The following SLC24A4 variants were observed in gnomAD, a reference collection of about 807,000 sequenced individuals.
SLC24A4 encodes solute carrier family 24 member 4.
In SLC24A4, 53 loss-of-function variants were observed where a neutral mutation model predicts 79.0. The ratio of observed to expected loss-of-function variants is 0.67; its 90% confidence interval spans 0.54 to 0.84. SLC24A4 has a LOEUF of 0.84. Among genes scored for constraint, SLC24A4 ranks in the 40% least tolerant of loss-of-function variants. SLC24A4 has a pLI of 0.00. For missense variants in SLC24A4, 731 were observed against 822.0 expected (o/e 0.89, Z 1.35); for synonymous variants, 323 against 323.8 (o/e 1.00, Z 0.03).
chr14:92,442,856 G>T (rs1892581677), intron 6 of SLC24A4, 40 bp downstream of exon 6: 1 of 1,502,422 alleles, frequency 6.7e-7, no homozygotes, highest in Non-Finnish European at 9.3e-7. Context: ...TGCATGCCCT[G>T]AAGCGTGGGG....
At position 92,498,916 on chromosome 14, in the gene SLC24A4, G is replaced by A. The variant is rs1318736368; in HGVS notation, c.*5288G>A. 2 of 152,274 alleles carry A rather than the reference G, an allele frequency of 1.3e-5. No homozygotes were observed. The highest frequency in any genetic ancestry group is 2.9e-5 in the Non-Finnish European group (2 of 68,064). 9.4% of individuals were successfully genotyped at this position (152,274 alleles called of 1,614,324 possible). A position where few individuals can be genotyped will look rare whatever the true frequency, so the allele number is the denominator to read the frequency against. On this transcript the variant is annotated 3_prime_UTR_variant, in exon 17 of 17. Transcript: ENST00000532405. ...TAGCTAATGGGAGGATGTCCAGCCTGTCACTGTGCTCCCAGCGCAAGGAAA... is the reference window on the plus strand; with the variant it reads ...TAGCTAATGGGAGGATGTCCAGCCTATCACTGTGCTCCCAGCGCAAGGAAA...
intron 2 of SLC24A4, among the ~76,000 whole-genome samples, chr14:92,356,374 TCC>T (rs1887182660): frequency 6.6e-6 from 1 of 152,240 alleles, no homozygotes; most frequent in African/African-American, 2.4e-5. Flanking sequence ...TGTGACATTT[TCC>T]TTGTGAAATG....
chr14:92,402,294 A>G (rs1293411676), intron 2 of SLC24A4, among the ~76,000 whole-genome samples: 1 of 152,122 alleles, frequency 6.6e-6, no homozygotes, highest in African/African-American at 2.4e-5. Context: ...CCACTTTCTA[A>G]TTGTGATTGT....
At chr14:92,453,675 G>A in intron 10 of SLC24A4, 1 of 491,548 alleles carries the variant, frequency 2.0e-6, no homozygotes, top group Non-Finnish European at 3.5e-6. Flanking sequence ...CTGGAGCAAG[G>A]GGACACACTG....
intron 3 of SLC24A4, among the ~76,000 whole-genome samples, chr14:92,438,283 T>C (rs553783757): frequency 6.6e-6 from 1 of 152,160 alleles, no homozygotes; most frequent in Non-Finnish European, 1.5e-5. Context: ...TTGACTTCCA[T>C]TTACCAATTT....
At chr14:92,439,555 G>A (rs893711326) in intron 4 of SLC24A4, 146 bp downstream of exon 4, 258 of 742,710 alleles carry the variant, frequency 3.5e-4, no homozygotes, top group Non-Finnish European at 3.7e-4. Context: ...GCCCCATGGC[G>A]AAGCCTCGCC....
intron 2 of SLC24A4, among the ~76,000 whole-genome samples, chr14:92,350,970 G>A (rs1169829073): frequency 2.0e-5 from 3 of 151,940 alleles, no homozygotes; most frequent in East Asian, 1.9e-4. Flanking sequence ...TGAGGATACA[G>A]TAAGAAGTTA....
Position 92,454,040 on chromosome 14 carries a change from C to T in SLC24A4, c.1021C>T (p.Arg341Trp), listed in dbSNP as rs751564009. The T allele has an allele frequency of 2.2e-5, 36 of 1,612,934 alleles. No individual in the cohort carries two copies. The highest frequency in any genetic ancestry group is 2.5e-5 in the Non-Finnish European group (30 of 1,179,524). ...TNKFGPRTRL[R>W]MASRIIINER... Reference sequence around the variant, plus strand: ...TAAGTTTGGACCCAGGACCCGACTACGGATGGCCAGCAGGATCATCATTAA... The same window carrying T: ...TAAGTTTGGACCCAGGACCCGACTATGGATGGCCAGCAGGATCATCATTAA... Residue 341 changes from arginine to tryptophan, a missense_variant, in exon 11 of 17, where the codon CGG (arginine) becomes TGG (tryptophan). Arg to Trp is a moderately radical substitution (Grantham distance 101). Transcript: ENST00000532405.
chr14:92,468,721 C>T (rs1160953193), intron 12 of SLC24A4, among the ~76,000 whole-genome samples: 1 of 152,122 alleles, frequency 6.6e-6, no homozygotes, highest in Admixed American at 6.5e-5. Context: ...GAAGTCTGAT[C>T]CCTACTGCTC....
At position 92,493,632 on chromosome 14, in the gene SLC24A4, T is replaced by C; in HGVS notation, c.*4T>C. 6.2e-7 allele frequency: 1 copy of C among 1,614,016 alleles called. No individual in the cohort carries two copies. The highest frequency in any genetic ancestry group is 8.5e-7 in the Non-Finnish European group (1 of 1,179,920). On this transcript the variant is annotated 3_prime_UTR_variant, in exon 17 of 17. Coordinates refer to ENST00000532405, the MANE Select transcript of SLC24A4 (RefSeq NM_153646.4). ...GATGTGCCGGGAAGACGATTAGCGC[T>C]GAGTCGCGGCCCCTGGGAGCTGATC...
intron 12 of SLC24A4, among the ~76,000 whole-genome samples, chr14:92,469,507 CA>C (rs34883693): frequency 7.6e-5 from 11 of 145,542 alleles, no homozygotes; most frequent in African/African-American, 1.0e-4. Context: ...GACTCCATCT[CA>C]AAAAAAAAAA....
intron 2 of SLC24A4, among the ~76,000 whole-genome samples, chr14:92,331,056 C>G (rs1032209293): frequency 5.3e-5 from 8 of 152,160 alleles, no homozygotes; most frequent in African/African-American, 1.9e-4. Flanking sequence ...CTGGGCCCAG[C>G]CCTGACCTGT....
At chr14:92,331,166 G>A (rs1192700269) in intron 2 of SLC24A4, among the ~76,000 whole-genome samples, 1 of 152,222 alleles carries the variant, frequency 6.6e-6, no homozygotes, top group Non-Finnish European at 1.5e-5. Context: ...GCTCCTGCTT[G>A]TCATCGCCAC....
chr14:92,493,432 T>G, intron 16 of SLC24A4, 44 bp from the exon 17 acceptor site: 1 of 1,607,698 alleles, frequency 6.2e-7, no homozygotes. Flanking sequence ...GCCTCTTGTA[T>G]TTCTTTGCCC....
intron 12 of SLC24A4, chr14:92,462,581 AG>A (rs1893877897): frequency 6.6e-6 from 1 of 152,114 alleles, no homozygotes; most frequent in Non-Finnish European, 1.5e-5. Context: ...TATTTGTAGT[AG>A]GGACAAGGTT....
intron 2 of SLC24A4, among the ~76,000 whole-genome samples, chr14:92,357,491 C>T (rs1595158485): frequency 6.6e-6 from 1 of 152,138 alleles, no homozygotes; most frequent in African/African-American, 2.4e-5. Context: ...AATATACATG[C>T]AATGGAATGT....
At chr14:92,455,953 G>A (rs1893431932) in intron 11 of SLC24A4, among the ~76,000 whole-genome samples, 2 of 152,118 alleles carry the variant, frequency 1.3e-5, no homozygotes, top group South Asian at 2.1e-4. Flanking sequence ...CACCCACCTC[G>A]GCCTCCCAAA....
chr14:92,323,772 G>A lies in SLC24A4; in HGVS notation c.-59G>A. ...CCCCAGCGCCGCTCGGCCACTGATT[G>A]CACTCTGGCCGCTGAAGCTCCCCAT... On this transcript the variant is annotated 5_prime_UTR_variant, in exon 1 of 17. Coordinates refer to ENST00000532405, the MANE Select transcript of SLC24A4 (RefSeq NM_153646.4). This position sits in a 1 kb window ranked among gnomAD's most constrained non-coding sequence, Gnocchi z 4.9. 6.6e-7 allele frequency: 1 copy of A among 1,514,884 alleles called. No homozygotes were observed. Among genetic ancestry groups the A allele is most frequent in the East Asian group, 2.5e-5 (1 of 40,708 alleles). The allele number at this position is 1,514,884 out of a possible 1,614,324, so 93.8% of individuals were successfully genotyped here.
intron 2 of SLC24A4, among the ~76,000 whole-genome samples, chr14:92,416,120 GTGGTGTGT>G (rs1385672195): frequency 1.5e-5 from 2 of 129,736 alleles, no homozygotes; most frequent in Admixed American, 1.6e-4. Context: ...ATTTGTGTGT[GTGGTGTGT>G]GTGTGTGTGT....
Sources: gnomAD v4.1 joint callset for allele counts (sites outside exome capture counted in the v4.1 genomes callset) on GRCh38, gnomAD v4.1.1 for gene constraint, Gnocchi (gnomAD v3.1) non-coding constraint, MANE v1.5 for transcripts, NCBI Gene and HGNC (gene_info 2026-07-23, HGNC 2026-07-21) for gene names.